Variants in HELZ observed in about 807,000 individuals in gnomAD.
HELZ encodes ATP-dependent RNA helicase with zinc finger domain.
HELZ carries 23 observed loss-of-function variants against 218.2 expected under a neutral mutation model. That is an observed-to-expected ratio of 0.11 (90% CI 0.08 to 0.15). The LOEUF is 0.15. Ranked by LOEUF, HELZ falls within the 10% of genes least tolerant of loss-of-function variation. The pLI, the probability that HELZ is intolerant of heterozygous loss-of-function variation, is 1.00. For synonymous variants in HELZ, 814 were observed against 829.4 expected (o/e 0.98, Z 0.32); for missense variants, 1,813 against 2,353.7 (o/e 0.77, Z 4.75).
chr17:67,152,396 T>C (rs569612160), intron 17 of HELZ, among the ~76,000 whole-genome samples: 13 of 152,142 alleles, frequency 8.5e-5, no homozygotes, highest in Non-Finnish European at 1.8e-4. Context: ...CAAGAGCAGA[T>C]GGTAGCTTGG....
At chr17:67,135,061 C>T (rs574930307) in intron 23 of HELZ, among the ~76,000 whole-genome samples, 127 of 151,568 alleles carry the variant, frequency 8.4e-4, no homozygotes, top group African/African-American at 3.0e-3. Flanking sequence ...GTTAAAATTC[C>T]AATTAACTGG....
intron 7 of HELZ, among the ~76,000 whole-genome samples, chr17:67,200,062 A>G (rs896409243): frequency 6.6e-6 from 1 of 152,194 alleles, no homozygotes; most frequent in Non-Finnish European, 1.5e-5. Context: ...AACCTCCAAG[A>G]GGACAAGAAC....
intron 16 of HELZ, 135 bp downstream of exon 16, chr17:67,160,762 G>T: frequency 1.6e-6 from 1 of 633,092 alleles, no homozygotes; most frequent in African/African-American, 1.9e-5. Flanking sequence ...TTGGATTTAC[G>T]GCTTTTCCTT....
intron 28 of HELZ, among the ~76,000 whole-genome samples, chr17:67,109,897 A>G (rs187631521): frequency 2.2e-4 from 33 of 152,320 alleles, no homozygotes; most frequent in African/African-American, 7.2e-4. Flanking sequence ...AGCATATTAA[A>G]TGTGAGTCAT....
chr17:67,148,553 G>A lies in HELZ; in HGVS notation c.2621+16C>T, dbSNP rs140237487. The A allele has an allele frequency of 1.7e-4, 280 of 1,605,170 alleles. No homozygotes were observed. In the East Asian group the frequency reaches 4.3e-3, roughly 24 times the overall value. On this transcript the variant is annotated intron_variant, in intron 20 of 32. Coordinates refer to ENST00000358691, the MANE Select transcript of HELZ (RefSeq NM_014877.4). ...ACCAACGAAAGTATGACACGGAGGG[G>A]GCAGTTCACACCTACTTGATGATAG... is the stretch of plus-strand genomic sequence containing the variant.
intron 3 of HELZ, among the ~76,000 whole-genome samples, chr17:67,223,170 G>A (rs1261007347): frequency 6.6e-6 from 1 of 151,802 alleles, no homozygotes; most frequent in Non-Finnish European, 1.5e-5. Context: ...TGAGGAAGGA[G>A]AATGGCATGA....
At chr17:67,084,490 G>A (rs931304322) in intron 32 of HELZ, among the ~76,000 whole-genome samples, 7 of 151,438 alleles carry the variant, frequency 4.6e-5, no homozygotes, top group African/African-American at 1.7e-4. Flanking sequence ...GTGAAACCCC[G>A]TCTCTACTAA....
At chr17:67,117,349 G>A (rs1378936281) in intron 27 of HELZ, among the ~76,000 whole-genome samples, 2 of 151,926 alleles carry the variant, frequency 1.3e-5, no homozygotes, top group Non-Finnish European at 2.9e-5. Context: ...CCAATAATCA[G>A]CAACTAAAGC....
At chr17:67,232,305 G>T (rs945610364) in intron 3 of HELZ, among the ~76,000 whole-genome samples, 1 of 151,860 alleles carries the variant, frequency 6.6e-6, no homozygotes, top group Non-Finnish European at 1.5e-5. Flanking sequence ...CACCATAACC[G>T]GCTATGCCCG....
chr17:67,201,018 C>A (rs1357531889), intron 7 of HELZ, 111 bp downstream of exon 7: 1 of 836,164 alleles, frequency 1.2e-6, no homozygotes, highest in Non-Finnish European at 2.1e-6. Context: ...CCCACCTTCA[C>A]AGCCTCGCCT....
At chr17:67,092,961 CTG>C (rs1197247428) in intron 31 of HELZ, among the ~76,000 whole-genome samples, 1 of 151,752 alleles carries the variant, frequency 6.6e-6, no homozygotes, top group Non-Finnish European at 1.5e-5. Flanking sequence ...GAGCAAAACT[CTG>C]TCTCATAAAA....
At chr17:67,105,017 C>T (rs1452833641) in intron 31 of HELZ, among the ~76,000 whole-genome samples, 1 of 152,060 alleles carries the variant, frequency 6.6e-6, no homozygotes, top group Non-Finnish European at 1.5e-5. Context: ...CCTGTAGTCC[C>T]AGCTACTCAG....
chr17:67,115,328 C>T (rs1159681580), intron 27 of HELZ, among the ~76,000 whole-genome samples: 2 of 151,880 alleles, frequency 1.3e-5, no homozygotes, highest in African/African-American at 4.8e-5. Flanking sequence ...CTTTAAGCAT[C>T]CTAATATATG....
chr17:67,235,936 A>AT (rs1401470545), intron 3 of HELZ, among the ~76,000 whole-genome samples: 1 of 151,512 alleles, frequency 6.6e-6, no homozygotes, highest in African/African-American at 2.4e-5. Context: ...AATTTTTTGT[A>AT]TTTTTAGAAG....
chr17:67,191,817 C>G (rs565408281), intron 9 of HELZ, among the ~76,000 whole-genome samples: 102 of 150,102 alleles, frequency 6.8e-4, no homozygotes, highest in African/African-American at 2.4e-3. Flanking sequence ...TTTTAAATAC[C>G]CTGCAAAATT....
At position 67,114,381 on chromosome 17, in the gene HELZ, G is replaced by T; in HGVS notation, c.3861C>A (p.Ser1287=). 1 of 1,608,388 alleles carries T rather than the reference G, an allele frequency of 6.2e-7. No homozygotes were observed. Among genetic ancestry groups the T allele is most frequent in the Non-Finnish European group, 8.5e-7 (1 of 1,175,168 alleles). ...NRNGKSDTNN[S]GPEINKIRTP... ...TTCGAATCTTATTAATTTCAGGTCCGGAATTATTTGTATCACTTTTACCTA... is the reference window on the plus strand; with the variant it reads ...TTCGAATCTTATTAATTTCAGGTCCTGAATTATTTGTATCACTTTTACCTA... Residue 1287 remains serine (S), a synonymous_variant, in exon 28 of 33, where the codon TCC becomes TCA. Coordinates refer to ENST00000358691, the MANE Select transcript of HELZ (RefSeq NM_014877.4).
intron 7 of HELZ, among the ~76,000 whole-genome samples, chr17:67,197,199 T>C (rs1468286448): frequency 6.6e-6 from 1 of 152,202 alleles, no homozygotes; most frequent in African/African-American, 2.4e-5. Context: ...GTAAGTCTGA[T>C]AACATCTAAT....
At chr17:67,140,844 A>G (rs1012179334) in intron 21 of HELZ, among the ~76,000 whole-genome samples, 1 of 152,256 alleles carries the variant, frequency 6.6e-6, no homozygotes, top group African/African-American at 2.4e-5. Flanking sequence ...AAAACAACTC[A>G]TCACTTACAA....
intron 23 of HELZ, among the ~76,000 whole-genome samples, chr17:67,130,893 G>GT (rs2037959521): frequency 1.3e-5 from 2 of 152,158 alleles, no homozygotes; most frequent in Non-Finnish European, 2.9e-5. Flanking sequence ...TCAGTTATTT[G>GT]TTTTTTCAGA....
Sources: gnomAD v4.1 joint callset for allele counts (sites outside exome capture counted in the v4.1 genomes callset) on GRCh38, gnomAD v4.1.1 for gene constraint, MANE v1.5 for transcripts, NCBI Gene and HGNC (gene_info 2026-07-23, HGNC 2026-07-21) for gene names.